The following LRP6 variants were observed in gnomAD, a reference collection of about 807,000 sequenced individuals.
LRP6 encodes low-density lipoprotein receptor-related protein 6.
LRP6 carries 43 observed loss-of-function variants against 184.1 expected under a neutral mutation model. That is an observed-to-expected ratio of 0.23 (90% CI 0.18 to 0.30). LRP6 has a LOEUF of 0.30. LRP6 is among the 10% of genes least tolerant of loss of function. The pLI is 1.00. For missense variants in LRP6, 1,571 were observed against 2,005.3 expected, an observed-to-expected ratio of 0.78 and a Z score of 4.14; for synonymous variants, 719 against 684.9, an observed-to-expected ratio of 1.05 and a Z score of -0.78.
intron 6 of LRP6, 131 bp from the exon 7 acceptor site, chr12:12,180,112 A>G: frequency 1.4e-6 from 1 of 711,198 alleles, no homozygotes; most frequent in South Asian, 1.7e-5. Context: ...GAAAAAAAAA[A>G]AAACATATGA....
At chr12:12,208,431 G>T (rs1215185869) in intron 2 of LRP6, among the ~76,000 whole-genome samples, 1 of 152,150 alleles carries the variant, frequency 6.6e-6, no homozygotes, top group African/African-American at 2.4e-5. Flanking sequence ...ACGTGAATAA[G>T]AAACATAAAC....
chr12:12,198,492 C>T (rs1863826719), intron 3 of LRP6, among the ~76,000 whole-genome samples: 1 of 131,430 alleles, frequency 7.6e-6, no homozygotes, highest in South Asian at 2.5e-4. Context: ...TTTTTAAATT[C>T]TTTCTTAAGT....
At position 12,126,809 on chromosome 12, in the gene LRP6, C is replaced by T. The variant is rs147144852; in HGVS notation, c.4194G>A (p.Leu1398=). The T allele has an allele frequency of 7.9e-5, 128 of 1,613,968 alleles. No individual in the cohort carries two copies. The African/African-American group carries it at 1.5e-3, about 19-fold the overall frequency. Residue 1398 remains leucine, a synonymous_variant, in exon 20 of 23, where the codon TTG becomes TTA. Transcript: ENST00000261349. ...CCCCATCTCCCTTCATACGTGGACACAACATCCTCTGGCAGATAAAGTATA... is the reference window on the plus strand; with the variant it reads ...CCCCATCTCCCTTCATACGTGGACATAACATCCTCTGGCAGATAAAGTATA... The part of the protein sequence containing the change: ...GTVYFICQRM[L]CPRMKGDGET...
chr12:12,259,013 G>A (rs993151541), intron 1 of LRP6, among the ~76,000 whole-genome samples: 3 of 152,178 alleles, frequency 2.0e-5, no homozygotes, highest in African/African-American at 7.2e-5. Context: ...TGTAAGCCCA[G>A]CACTTTGGAA....
At chr12:12,222,637 GT>G (rs1476049386) in intron 2 of LRP6, among the ~76,000 whole-genome samples, 1 of 151,684 alleles carries the variant, frequency 6.6e-6, no homozygotes. Flanking sequence ...AAGACCCGCG[GT>G]GGATGCCTGA....
At chr12:12,207,529 T>C (rs558650587) in intron 2 of LRP6, among the ~76,000 whole-genome samples, 1 of 151,730 alleles carries the variant, frequency 6.6e-6, no homozygotes, top group Admixed American at 6.6e-5. Context: ...AAAATAATAA[T>C]AATAATATTA....
chr12:12,253,483 G>C (rs998451825), intron 1 of LRP6, among the ~76,000 whole-genome samples: 1 of 151,414 alleles, frequency 6.6e-6, no homozygotes, highest in African/African-American at 2.4e-5. Context: ...GTGCAGGTTT[G>C]TTACATATGT....
At chr12:12,210,381 G>T (rs1457592481) in intron 2 of LRP6, among the ~76,000 whole-genome samples, 1 of 152,188 alleles carries the variant, frequency 6.6e-6, no homozygotes, top group Non-Finnish European at 1.5e-5. Context: ...AGAGCAAGAT[G>T]ATGAGTTCAA....
At position 12,116,490 on chromosome 12, in the gene LRP6, CA is replaced by C. The variant is rs1949521142; in HGVS notation, c.*4635del. The stretch of plus-strand genomic sequence containing the variant: ...CTTTAAAAATTTTCCCTTTAATACC[CA>C]TATTTAGGCATTAGATATATAGAAT... On this transcript the variant is annotated 3_prime_UTR_variant, in exon 23 of 23. Coordinates refer to ENST00000261349, the MANE Select transcript of LRP6 (RefSeq NM_002336.3). 1.3e-5 allele frequency: 2 copies of C among 152,040 alleles called. No homozygotes were observed. Among genetic ancestry groups the C allele is most frequent in the Non-Finnish European group, 2.9e-5 (2 of 68,018 alleles). 9.4% of individuals were successfully genotyped at this position (152,040 alleles called of 1,614,324 possible).
intron 12 of LRP6, among the ~76,000 whole-genome samples, chr12:12,153,998 C>T (rs1950116630): frequency 6.6e-6 from 1 of 152,234 alleles, no homozygotes; most frequent in Non-Finnish European, 1.5e-5. Context: ...ATCCAGTCCA[C>T]ACTTCCTTAG....
intron 7 of LRP6, among the ~76,000 whole-genome samples, chr12:12,178,871 G>A (rs1371834646): frequency 6.6e-6 from 1 of 152,178 alleles, no homozygotes; most frequent in Non-Finnish European, 1.5e-5. Context: ...GCAAGGCCTT[G>A]AAGTCATTAT....
At chr12:12,186,297 C>T (rs1863472120) in intron 4 of LRP6, among the ~76,000 whole-genome samples, 1 of 152,220 alleles carries the variant, frequency 6.6e-6, no homozygotes, top group Admixed American at 6.5e-5. Flanking sequence ...CCTCTAAAAG[C>T]GCTGACTCAA....
In LRP6 at chr12:12,119,986, ACAAAATATATAT is replaced by A. The variant is rs1322295601; in HGVS notation, c.*1128_*1139del. ...TTTTACTCAGAAAACAAACAAACAA[ACAAAATATATAT>A]ATATATATATATATATATATATATA... On this transcript the variant is annotated 3_prime_UTR_variant, in exon 23 of 23. Transcript: ENST00000261349. The A allele has an allele frequency of 9.1e-5, 10 of 109,548 alleles. No homozygotes were observed. Among genetic ancestry groups the A allele is most frequent in the African/African-American group, 2.3e-4 (7 of 29,860 alleles). The allele number at this position is 109,548 out of a possible 1,614,324, so 6.8% of individuals were successfully genotyped here. A position where few individuals can be genotyped will look rare whatever the true frequency, so the allele number is the denominator to read the frequency against.
At chr12:12,255,997 G>A (rs886852481) in intron 1 of LRP6, among the ~76,000 whole-genome samples, 4 of 151,978 alleles carry the variant, frequency 2.6e-5, no homozygotes, top group Admixed American at 6.6e-5. Context: ...CCACAAGAAG[G>A]CCCAGGTAAA....
At chr12:12,209,692 G>T (rs2137057003) in intron 2 of LRP6, among the ~76,000 whole-genome samples, 1 of 152,258 alleles carries the variant, frequency 6.6e-6, no homozygotes, top group African/African-American at 2.4e-5. Context: ...TATTTTTTAA[G>T]TTACCAATAT....
At chr12:12,219,206 TTTTG>T (rs750556470) in intron 2 of LRP6, among the ~76,000 whole-genome samples, 12 of 152,054 alleles carry the variant, frequency 7.9e-5, no homozygotes, top group African/African-American at 1.9e-4. Context: ...CCTTTTTGGT[TTTTG>T]TTTGTTTGTT....
At chr12:12,245,621 G>T (rs1227033352) in intron 1 of LRP6, among the ~76,000 whole-genome samples, 1 of 152,074 alleles carries the variant, frequency 6.6e-6, no homozygotes, top group Non-Finnish European at 1.5e-5. Context: ...GACAGAAATA[G>T]TTCTTAGTAA....
At position 12,126,734 on chromosome 12, in the gene LRP6, A is replaced by C; in HGVS notation, c.4269T>G (p.Leu1423=). 6.2e-7 allele frequency: 1 copy of C among 1,614,178 alleles called. No homozygotes were observed. The highest frequency in any genetic ancestry group is 8.5e-7 in the Non-Finnish European group (1 of 1,179,990). The change falls in exon 20 of 23, where the codon CTT becomes CTG. Residue 1423 remains leucine, a synonymous_variant. Coordinates refer to ENST00000261349, the MANE Select transcript of LRP6 (RefSeq NM_002336.3). ...AAGAACTTGGGTGTGGCACATAACC[A>C]AGAGGCACAGAAGCTGGTCCATGAA... The part of the protein sequence containing the change: ...YVVHGPASVP[L]GYVPHPSSLS...
At chr12:12,240,623 TATC>T (rs1865040425) in intron 2 of LRP6, among the ~76,000 whole-genome samples, 1 of 152,178 alleles carries the variant, frequency 6.6e-6, no homozygotes, top group East Asian at 1.9e-4. Context: ...AAAATATAAA[TATC>T]ATTCAAAGCT....
Sources: gnomAD v4.1 joint callset for allele counts (sites outside exome capture counted in the v4.1 genomes callset) on GRCh38, gnomAD v4.1.1 for gene constraint, MANE v1.5 for transcripts, NCBI Gene and HGNC (gene_info 2026-07-23, HGNC 2026-07-21) for gene names.